The following CELF2 variants were observed in gnomAD, a reference collection of about 807,000 sequenced individuals.
CELF2 encodes the protein CUGBP Elav-like family member 2.
A neutral mutation model predicts 62.6 loss-of-function variants in CELF2; 8 were observed. The observed-to-expected ratio is 0.13, with a 90% CI of 0.07 to 0.23. The LOEUF (loss-of-function observed/expected upper bound fraction) is 0.23. Ranked by LOEUF, CELF2 falls within the 10% of genes least tolerant of loss-of-function variation. CELF2 has a pLI of 1.00. For missense variants in CELF2, 333 were observed against 671.0 expected (o/e 0.50, Z 5.56); for synonymous variants, 258 against 250.0 (o/e 1.03, Z -0.30).
Position 11,244,922 on chromosome 10 carries a change from T to C in CELF2, c.355-4231T>C, listed in dbSNP as rs1287103450. 6.6e-6 allele frequency among the ~76,000 whole-genome samples: 1 copy of C among 152,168 alleles called. No homozygotes were observed. Among genetic ancestry groups the C allele is most frequent in the Non-Finnish European group, 1.5e-5 (1 of 68,026 alleles). ...CTCCATCTGTGTCTGGTGTCTCTTCTCTGAGTTCGCACCGTACAGCTCTTA... is the reference window on the plus strand; with the variant it reads ...CTCCATCTGTGTCTGGTGTCTCTTCCCTGAGTTCGCACCGTACAGCTCTTA... On this transcript the variant is annotated intron_variant, in intron 3 of 12. Coordinates refer to ENST00000633077, the MANE Select transcript of CELF2 (RefSeq NM_001326342.2). The surrounding 1 kb of genome is among the most constrained non-coding windows in gnomAD (Gnocchi z 4.2).
At position 11,026,418 on chromosome 10, in the gene CELF2, G is replaced by T. The variant is rs147908018; in HGVS notation, c.74+8255G>T. Among the ~76,000 whole-genome samples, 153 of 152,154 alleles carry T rather than the reference G, an allele frequency of 1.0e-3. 1 individual carries two copies. Among genetic ancestry groups the T allele is most frequent in the Non-Finnish European group, 4.4e-4 (30 of 68,016 alleles). On this transcript the variant is annotated intron_variant, in intron 1 of 12. Coordinates refer to ENST00000633077, the MANE Select transcript of CELF2 (RefSeq NM_001326342.2). Reference sequence around the variant, plus strand: ...CCCAGGTGTTTTCTCTTTGGAACTCGGGGGGAAGACATTGGGTATCAAGTA... The same window carrying T: ...CCCAGGTGTTTTCTCTTTGGAACTCTGGGGGAAGACATTGGGTATCAAGTA...
chr10:10,836,743 C>A (rs997978750), intron 1 of CELF2, among the ~76,000 whole-genome samples: 2 of 152,198 alleles, frequency 1.3e-5, no homozygotes, highest in Admixed American at 1.3e-4. Flanking sequence ...TCAATTGATT[C>A]TCCTGCTTCA....
the CELF2 span, among the ~76,000 whole-genome samples, chr10:10,492,304 A>C: frequency 6.6e-6 from 1 of 152,158 alleles, no homozygotes; most frequent in African/African-American, 2.4e-5. Context: ...TGAGTTCTCT[A>C]AACCAAGCTG....
chr10:11,032,868 A>G (rs886464568), intron 1 of CELF2, among the ~76,000 whole-genome samples: 2 of 152,222 alleles, frequency 1.3e-5, no homozygotes, highest in African/African-American at 4.8e-5. Flanking sequence ...TAATGTATAT[A>G]TAGTGAATTA....
chr10:10,482,714 T>G, the CELF2 span, among the ~76,000 whole-genome samples: 3 of 152,210 alleles, frequency 2.0e-5, no homozygotes, highest in Non-Finnish European at 2.9e-5. Flanking sequence ...TTCCTACAGA[T>G]AGTAAACAAC....
At chr10:11,158,835 C>T (rs1447800654) in intron 1 of CELF2, among the ~76,000 whole-genome samples, 9 of 152,112 alleles carry the variant, frequency 5.9e-5, no homozygotes, top group Non-Finnish European at 1.0e-4. Context: ...GCATAATGTC[C>T]CCAAGAACAC....
chr10:10,574,872 G>GCTTTTTTTTTTTTTTTTTTTTT, the CELF2 span, among the ~76,000 whole-genome samples: 2 of 105,980 alleles, frequency 1.9e-5, 1 homozygote, highest in Non-Finnish European at 4.0e-5. Flanking sequence ...ACCATGCCTG[G>GCTTTTTTTTTTTTTTTTTTTTT]TTTTTTTTTT....
At chr10:11,144,900 GAAAA>G (rs397846995) in intron 1 of CELF2, among the ~76,000 whole-genome samples, 138 of 74,098 alleles carry the variant, frequency 1.9e-3, no homozygotes, top group African/African-American at 6.9e-3. Context: ...TCAGGAAACA[GAAAA>G]AAAAAAAAAA....
chr10:10,722,420 C>A, the CELF2 span, among the ~76,000 whole-genome samples: 1 of 152,072 alleles, frequency 6.6e-6, no homozygotes, highest in Non-Finnish European at 1.5e-5. Context: ...TAAGAAATAC[C>A]TGTAGACCCA....
intron 5 of CELF2, 86 bp downstream of exon 5, chr10:11,257,958 C>T (rs1398098682): frequency 3.6e-5 from 53 of 1,490,322 alleles, no homozygotes; most frequent in Middle Eastern, 2.0e-4. Flanking sequence ...GCACCGCACA[C>T]GGCAAGAGGT....
At chr10:10,880,338 C>A (rs918898092) in intron 1 of CELF2, among the ~76,000 whole-genome samples, 3 of 152,074 alleles carry the variant, frequency 2.0e-5, no homozygotes, top group African/African-American at 7.3e-5. Context: ...TGTCCTTGAA[C>A]TTGCAAGTGG....
chr10:10,494,891 T>A, the CELF2 span, among the ~76,000 whole-genome samples: 1 of 152,184 alleles, frequency 6.6e-6, no homozygotes, highest in African/African-American at 2.4e-5. Flanking sequence ...CTAGGGTGGA[T>A]TGGGATACCA....
At chr10:10,656,222 C>A in the CELF2 span, among the ~76,000 whole-genome samples, 1 of 150,824 alleles carries the variant, frequency 6.6e-6, no homozygotes, top group Admixed American at 6.6e-5. Flanking sequence ...CAGGAAACAA[C>A]AGGTGCTGGA....
At chr10:10,874,472 C>G (rs1006279614) in intron 1 of CELF2, among the ~76,000 whole-genome samples, 1 of 150,146 alleles carries the variant, frequency 6.7e-6, no homozygotes, top group African/African-American at 2.5e-5. Context: ...TTATACTATA[C>G]AGGGATGTCC....
the CELF2 span, among the ~76,000 whole-genome samples, chr10:10,579,090 A>G: frequency 6.6e-6 from 1 of 151,412 alleles, no homozygotes; most frequent in African/African-American, 2.4e-5. Context: ...ACACAGGAAC[A>G]TGTTTTGTTT....
At chr10:10,775,688 A>G in the CELF2 span, among the ~76,000 whole-genome samples, 3 of 152,070 alleles carry the variant, frequency 2.0e-5, no homozygotes, top group African/African-American at 7.2e-5. Flanking sequence ...GGGGCCTCCT[A>G]GGGCATCATA....
At chr10:10,775,015 A>AAGT in the CELF2 span, among the ~76,000 whole-genome samples, 1 of 151,930 alleles carries the variant, frequency 6.6e-6, no homozygotes, top group Non-Finnish European at 1.5e-5. Flanking sequence ...AGTAGCTGGG[A>AAGT]TCACAGGTGT....
At chr10:10,982,878 A>T (rs2052307438) in intron 2 of CELF2, among the ~76,000 whole-genome samples, 1 of 149,686 alleles carries the variant, frequency 6.7e-6, no homozygotes, top group Admixed American at 6.7e-5. Context: ...GTCATTTCTT[A>T]TGGCCTACTG....
chr10:11,029,303 T>C (rs2059749095), intron 1 of CELF2, among the ~76,000 whole-genome samples: 1 of 152,324 alleles, frequency 6.6e-6, no homozygotes, highest in South Asian at 2.1e-4. Flanking sequence ...TTCTTTATTC[T>C]GATGTAGCTG....
Sources: gnomAD v4.1 joint callset for allele counts (sites outside exome capture counted in the v4.1 genomes callset) on GRCh38, gnomAD v4.1.1 for gene constraint, Gnocchi (gnomAD v3.1) non-coding constraint, MANE v1.5 for transcripts, NCBI Gene and HGNC (gene_info 2026-07-23, HGNC 2026-07-21) for gene names.